Variants in XIRP2 observed in about 807,000 individuals in gnomAD.
The protein encoded by XIRP2 is xin actin binding repeat containing 2.
In XIRP2, 236 loss-of-function variants were observed where a neutral mutation model predicts 277.0. The ratio of observed to expected loss-of-function variants is 0.85; its 90% confidence interval spans 0.77 to 0.95. The LOEUF is 0.95. Among genes scored for constraint, XIRP2 ranks in the 40% least tolerant of loss-of-function variants. The probability of loss-of-function intolerance (pLI) is 0.00; values close to 1 mark genes in which losing one functional copy is unlikely to be tolerated. For synonymous variants in XIRP2, 1,490 were observed against 1,416.5 expected, an observed-to-expected ratio of 1.05 and a Z score of -1.17; for missense variants, 4,640 against 4,157.5, an observed-to-expected ratio of 1.12 and a Z score of -3.19.
At chr2:167,071,966 T>C (rs1012961216) in intron 2 of XIRP2, among the ~76,000 whole-genome samples, 1 of 152,132 alleles carries the variant, frequency 6.6e-6, no homozygotes, top group Non-Finnish European at 1.5e-5. Flanking sequence ...TCATAAATAT[T>C]TGTGAGACAC....
intron 3 of XIRP2, among the ~76,000 whole-genome samples, chr2:167,169,561 G>A (rs1290858482): frequency 6.6e-6 from 1 of 152,212 alleles, no homozygotes; most frequent in Non-Finnish European, 1.5e-5. Flanking sequence ...ATAGATCTAA[G>A]AAGAGTTGAT....
chr2:167,246,171 T>C lies in XIRP2; in HGVS notation c.4779T>C (p.Pro1593=), dbSNP rs772431226. 23 of 1,612,190 alleles carry C rather than the reference T, an allele frequency of 1.4e-5. No individual in the cohort carries two copies. The South Asian group carries it at 2.5e-4, about 18-fold the overall frequency. The change falls in exon 9 of 11, where the codon CCT becomes CCC. Residue 1593 remains proline, a synonymous_variant. Transcript: ENST00000409195. ...ACAAGCTAATGAACCAAGCATCTCC[T>C]GAGATACAGAAAGAAGAAATTATCA... ...AKYKLMNQAS[P]EIQKEEIIRA...
chr2:166,950,286 A>G (rs1685993423), intron 2 of XIRP2, among the ~76,000 whole-genome samples: 1 of 152,078 alleles, frequency 6.6e-6, no homozygotes, highest in Admixed American at 6.6e-5. Context: ...AAGAATCTTC[A>G]TAGAATCTCA....
chr2:167,188,699 G>A (rs1693235531), intron 3 of XIRP2, among the ~76,000 whole-genome samples: 2 of 152,180 alleles, frequency 1.3e-5, no homozygotes, highest in African/African-American at 4.8e-5. Flanking sequence ...CTTCTTGCTA[G>A]CAACATATAA....
Position 167,214,630 on chromosome 2 carries a change from A to G in XIRP2, c.724-3536A>G, listed in dbSNP as rs577705971. ...TGCTCAGGCTGGAGTGCAGTGGCAC[A>G]ATCTCGGCTCACTGCAACCTCTGCC... is the stretch of plus-strand genomic sequence containing the variant. On this transcript the variant is annotated intron_variant, in intron 4 of 10. Transcript: ENST00000409195. Among the ~76,000 whole-genome samples the G allele has an allele frequency of 2.0e-5, 3 of 152,182 alleles. No homozygotes were observed. The East Asian group carries it at 5.8e-4, about 30-fold the overall frequency.
intron 2 of XIRP2, among the ~76,000 whole-genome samples, chr2:167,007,908 T>A (rs1687550598): frequency 6.6e-6 from 1 of 151,638 alleles, no homozygotes; most frequent in African/African-American, 2.4e-5. Flanking sequence ...TAGGTTATTA[T>A]TTGGATTTTA....
chr2:166,937,006 T>A (rs1200844170), intron 2 of XIRP2, among the ~76,000 whole-genome samples: 5 of 152,062 alleles, frequency 3.3e-5, no homozygotes, highest in Non-Finnish European at 2.9e-5. Flanking sequence ...CCTTGGGGAG[T>A]ATGGCCATTT....
chr2:167,169,128 G>A (rs1692609338), intron 3 of XIRP2, among the ~76,000 whole-genome samples: 1 of 152,166 alleles, frequency 6.6e-6, no homozygotes, highest in Admixed American at 6.5e-5. Context: ...GGGAGAGGAA[G>A]GCTTTTATAG....
At chr2:167,238,007 T>C (rs1694952194) in intron 5 of XIRP2, among the ~76,000 whole-genome samples, 1 of 152,212 alleles carries the variant, frequency 6.6e-6, no homozygotes, top group Non-Finnish European at 1.5e-5. Flanking sequence ...CCTTGTTATA[T>C]GGAATTCTGA....
intron 3 of XIRP2, among the ~76,000 whole-genome samples, chr2:167,173,343 T>TGTG (rs1294558619): frequency 6.6e-6 from 1 of 152,200 alleles, no homozygotes; most frequent in Non-Finnish European, 1.5e-5. Context: ...TTCAATGCTT[T>TGTG]GGTTTTTAGA....
intron 3 of XIRP2, among the ~76,000 whole-genome samples, chr2:167,147,178 T>C (rs1439107567): frequency 2.6e-5 from 4 of 152,152 alleles, no homozygotes; most frequent in Non-Finnish European, 5.9e-5. Flanking sequence ...GAGAAAATAT[T>C]GGCCAGTGAA....
intron 2 of XIRP2, among the ~76,000 whole-genome samples, chr2:167,013,201 C>T (rs555540321): frequency 1.3e-4 from 19 of 151,256 alleles, no homozygotes; most frequent in Non-Finnish European, 2.4e-4. Flanking sequence ...TTCTGTTCAC[C>T]TGTACAAGGA....
At chr2:167,239,067 A>G (rs1694981590) in intron 5 of XIRP2, among the ~76,000 whole-genome samples, 1 of 152,098 alleles carries the variant, frequency 6.6e-6, no homozygotes. Context: ...ATAATAATTT[A>G]TATTGGTTAC....
intron 9 of XIRP2, among the ~76,000 whole-genome samples, chr2:167,253,353 A>G (rs1489197448): frequency 6.6e-6 from 1 of 151,882 alleles, no homozygotes; most frequent in African/African-American, 2.4e-5. Flanking sequence ...AAAACTACAT[A>G]AGCAGATGCG....
intron 2 of XIRP2, among the ~76,000 whole-genome samples, chr2:167,073,956 C>T (rs749423476): frequency 6.6e-6 from 1 of 152,158 alleles, no homozygotes; most frequent in South Asian, 2.1e-4. Flanking sequence ...TCACTTCAAG[C>T]TTGCATGTAG....
chr2:166,931,686 T>C (rs1389845566), intron 2 of XIRP2, among the ~76,000 whole-genome samples: 2 of 152,162 alleles, frequency 1.3e-5, no homozygotes, highest in African/African-American at 4.8e-5. Flanking sequence ...TGTATTTGAG[T>C]TGTTTTCATT....
chr2:167,006,435 C>A (rs770900944), intron 2 of XIRP2, among the ~76,000 whole-genome samples: 1 of 151,636 alleles, frequency 6.6e-6, no homozygotes, highest in Non-Finnish European at 1.5e-5. Flanking sequence ...TACAAAGAAC[C>A]GTGGCATTAT....
At chr2:167,030,054 G>T (rs1238779233) in intron 2 of XIRP2, among the ~76,000 whole-genome samples, 1 of 152,028 alleles carries the variant, frequency 6.6e-6, no homozygotes, top group Non-Finnish European at 1.5e-5. Flanking sequence ...GGGATCAGTG[G>T]TGATCTCCGC....
At chr2:166,997,509 TC>T (rs531997326) in intron 2 of XIRP2, among the ~76,000 whole-genome samples, 75 of 152,292 alleles carry the variant, frequency 4.9e-4, no homozygotes, top group African/African-American at 1.7e-3. Flanking sequence ...AGTCTTTATC[TC>T]CTCAATGAAT....
Sources: gnomAD v4.1 joint callset for allele counts (sites outside exome capture counted in the v4.1 genomes callset) on GRCh38, gnomAD v4.1.1 for gene constraint, MANE v1.5 for transcripts, NCBI Gene and HGNC (gene_info 2026-07-23, HGNC 2026-07-21) for gene names.